The following INPP4B variants were observed in gnomAD, a reference collection of about 807,000 sequenced individuals.
The protein encoded by INPP4B is inositol polyphosphate 4-phosphatase type II.
A neutral mutation model predicts 122.5 loss-of-function variants in INPP4B; 55 were observed. That is an observed-to-expected ratio of 0.45 (90% confidence interval 0.36 to 0.56). The LOEUF (loss-of-function observed/expected upper bound fraction) is 0.56, where lower values mean the gene tolerates loss of function less well. INPP4B is among the 20% of genes least tolerant of loss of function. The pLI, the probability that INPP4B is intolerant of heterozygous loss-of-function variation, is 0.00. For synonymous variants in INPP4B, 403 were observed against 388.7 expected, an observed-to-expected ratio of 1.04 and a Z score of -0.43; for missense variants, 1,000 against 1,097.7, an observed-to-expected ratio of 0.91 and a Z score of 1.26.
intron 2 of INPP4B, among the ~76,000 whole-genome samples, chr4:142,572,509 C>A (rs1733048554): frequency 6.6e-6 from 1 of 152,030 alleles, no homozygotes; most frequent in Non-Finnish European, 1.5e-5. Flanking sequence ...GAAAAAAGCA[C>A]AAATCAGTGA....
chr4:142,631,428 G>T (rs1299660998), intron 2 of INPP4B, among the ~76,000 whole-genome samples: 1 of 152,072 alleles, frequency 6.6e-6, no homozygotes, highest in South Asian at 2.1e-4. Context: ...ATGCCAAAAA[G>T]AAGGTAAGGA....
chr4:142,247,835 T>A (rs1430413144), intron 11 of INPP4B, among the ~76,000 whole-genome samples: 1 of 152,186 alleles, frequency 6.6e-6, no homozygotes, highest in African/African-American at 2.4e-5. Context: ...TTAAGGAAAG[T>A]AATATTTTAT....
intron 7 of INPP4B, among the ~76,000 whole-genome samples, chr4:142,401,729 C>T (rs1579961710): frequency 1.3e-5 from 2 of 151,992 alleles, no homozygotes; most frequent in East Asian, 1.9e-4. Flanking sequence ...ACAAGGGAAC[C>T]AAGAATTTCC....
intron 7 of INPP4B, among the ~76,000 whole-genome samples, chr4:142,341,623 T>C (rs939336273): frequency 6.6e-6 from 1 of 152,098 alleles, no homozygotes; most frequent in Non-Finnish European, 1.5e-5. Flanking sequence ...GCGAAGGTCA[T>C]AGGATGTTAC....
chr4:142,802,077 A>G (rs1353425936), intron 1 of INPP4B, among the ~76,000 whole-genome samples: 1 of 152,120 alleles, frequency 6.6e-6, no homozygotes, highest in South Asian at 2.1e-4. Context: ...AGACGATCTC[A>G]TCCTCCTCAA....
chr4:142,794,881 A>G (rs900975162), intron 1 of INPP4B, among the ~76,000 whole-genome samples: 2 of 151,976 alleles, frequency 1.3e-5, no homozygotes, highest in Non-Finnish European at 2.9e-5. Context: ...ATACACTGTA[A>G]GCTAACAATA....
chr4:142,227,664 C>A (rs979070363), intron 12 of INPP4B, among the ~76,000 whole-genome samples: 22 of 151,194 alleles, frequency 1.5e-4, no homozygotes, highest in African/African-American at 5.3e-4. Flanking sequence ...AGTTTGAGAC[C>A]AGCCTGGCCA....
chr4:142,164,319 TCTC>T (rs1362615125), intron 16 of INPP4B, among the ~76,000 whole-genome samples: 2 of 151,854 alleles, frequency 1.3e-5, no homozygotes, highest in Non-Finnish European at 1.5e-5. Context: ...TACCTAGAAA[TCTC>T]CTTATTCTCG....
chr4:142,374,776 T>C (rs567249244), intron 7 of INPP4B, among the ~76,000 whole-genome samples: 1 of 151,980 alleles, frequency 6.6e-6, no homozygotes, highest in Non-Finnish European at 1.5e-5. Flanking sequence ...TAATTATCAA[T>C]TCCGTTTTTT....
rs1336066211 is a variant in INPP4B at position 142,836,105 on chromosome 4, AG to A, written c.-254+10103del. ...TCAAATCTTTAGTGAGAGATACCAC[AG>A]GTTACTGGATAATAAGACTAAATTT... On this transcript the variant is annotated intron_variant, in intron 1 of 25. Coordinates refer to ENST00000262992, the MANE Select transcript of INPP4B (RefSeq NM_001101669.3). Among the ~76,000 whole-genome samples, 16 of 152,312 alleles carry A rather than the reference AG, an allele frequency of 1.1e-4. No homozygotes were observed. The South Asian group carries it at 2.1e-3, about 20-fold the overall frequency.
At chr4:142,033,067 C>T (rs946680889) in intron 25 of INPP4B, among the ~76,000 whole-genome samples, 2 of 151,914 alleles carry the variant, frequency 1.3e-5, no homozygotes, top group Admixed American at 1.3e-4. Context: ...AAGCTTATTC[C>T]CATGGAAAAG....
At position 142,108,175 on chromosome 4, in the gene INPP4B, A is replaced by T. The variant is rs1411019890; in HGVS notation, c.2292T>A (p.Ser764=). Reference sequence around the variant, plus strand: ...TTTCCTGATTAATACTTTCTTGCAAAGAGACATCTCCAAACCTACAAACAG... The same window carrying T: ...TTTCCTGATTAATACTTTCTTGCAATGAGACATCTCCAAACCTACAAACAG... ...QTLAERFGDV[S]LQESINQENF... Residue 764 remains serine, a synonymous_variant, in exon 23 of 26, where the codon TCT becomes TCA. Coordinates refer to ENST00000262992, the MANE Select transcript of INPP4B (RefSeq NM_001101669.3). 1 of 1,592,716 alleles carries T rather than the reference A, an allele frequency of 6.3e-7. No individual in the cohort carries two copies. The highest frequency in any genetic ancestry group is 2.2e-5 in the East Asian group (1 of 44,662).
chr4:142,825,938 T>C (rs2151167294), intron 1 of INPP4B, among the ~76,000 whole-genome samples: 1 of 152,180 alleles, frequency 6.6e-6, no homozygotes, highest in South Asian at 2.1e-4. Context: ...CAATAACCCT[T>C]TGTCTTATCT....
chr4:142,472,886 T>C (rs543413548), intron 2 of INPP4B, among the ~76,000 whole-genome samples: 2 of 152,328 alleles, frequency 1.3e-5, no homozygotes, highest in African/African-American at 2.4e-5. Flanking sequence ...TTTTCTACTT[T>C]ATGAATTTTT....
intron 21 of INPP4B, among the ~76,000 whole-genome samples, chr4:142,112,973 T>A (rs1026156227): frequency 1.3e-5 from 2 of 152,146 alleles, no homozygotes; most frequent in Admixed American, 1.3e-4. Flanking sequence ...AGCCTCAATT[T>A]TTTTTCTTTA....
Position 142,781,313 on chromosome 4 carries a change from T to A in INPP4B, c.-253-55412A>T, listed in dbSNP as rs370623210. 1.5e-3 allele frequency among the ~76,000 whole-genome samples: 221 copies of A among 152,336 alleles called. 7 individuals are homozygous for A. In the South Asian group the frequency reaches 0.045, roughly 31 times the overall value. On this transcript the variant is annotated intron_variant, in intron 1 of 25. Transcript: ENST00000262992. ...ACATGTTTCCTCTGCTGATGAGTCA[T>A]CTTTCAAGTGTCGATCCTATTTCCA...
intron 1 of INPP4B, among the ~76,000 whole-genome samples, chr4:142,759,825 TAAAAAA>T (rs70949188): frequency 4.9e-4 from 34 of 70,046 alleles, no homozygotes; most frequent in Admixed American, 2.5e-3. Context: ...GAGCTTTTTC[TAAAAAA>T]AAAAAAAAAA....
At chr4:142,046,620 A>C (rs536339087) in intron 25 of INPP4B, among the ~76,000 whole-genome samples, 1 of 152,186 alleles carries the variant, frequency 6.6e-6, no homozygotes, top group East Asian at 1.9e-4. Flanking sequence ...AGGAGGGAAT[A>C]AGGTAGGAAA....
chr4:142,118,282 G>A (rs1369134936), intron 21 of INPP4B, among the ~76,000 whole-genome samples: 2 of 151,936 alleles, frequency 1.3e-5, no homozygotes, highest in Non-Finnish European at 2.9e-5. Context: ...TCACAGAATT[G>A]GAAAAAACTA....
Sources: gnomAD v4.1 joint callset for allele counts (sites outside exome capture counted in the v4.1 genomes callset) on GRCh38, gnomAD v4.1.1 for gene constraint, MANE v1.5 for transcripts, NCBI Gene and HGNC (gene_info 2026-07-23, HGNC 2026-07-21) for gene names.